The following POR variants were observed in gnomAD, a reference collection of about 807,000 sequenced individuals.
The protein encoded by POR is cytochrome p450 oxidoreductase, also known as NADPH--cytochrome P450 reductase.
In POR, 56 loss-of-function variants were observed where a neutral mutation model predicts 84.0. That is an observed-to-expected ratio of 0.67 (90% CI 0.54 to 0.83). POR has a LOEUF of 0.83. POR is among the 40% of genes least tolerant of loss of function. The probability of loss-of-function intolerance (pLI) is 0.00; values close to 1 mark genes in which losing one functional copy is unlikely to be tolerated. For missense variants in POR, 938 were observed against 944.3 expected, an observed-to-expected ratio of 0.99 and a Z score of 0.09; for synonymous variants, 414 against 400.5, an observed-to-expected ratio of 1.03 and a Z score of -0.40.
chr7:75,935,851 A>G (rs1807650109), intron 1 of POR, among the ~76,000 whole-genome samples: 2 of 151,698 alleles, frequency 1.3e-5, no homozygotes, highest in Non-Finnish European at 2.9e-5. Flanking sequence ...CGTGTGACAC[A>G]TCTCCCATGA....
At chr7:75,982,885 G>C (rs1418942835) in intron 8 of POR, among the ~76,000 whole-genome samples, 19 of 152,188 alleles carry the variant, frequency 1.2e-4, no homozygotes, top group Admixed American at 1.2e-3. Context: ...CAGGACGTGT[G>C]GGGGTGGGGG....
At chr7:75,935,175 C>T (rs781813296) in intron 1 of POR, among the ~76,000 whole-genome samples, 20 of 152,134 alleles carry the variant, frequency 1.3e-4, no homozygotes, top group African/African-American at 1.9e-4. Context: ...CGCACCAGCA[C>T]GCCCTGGATG....
At chr7:75,979,333 C>T in intron 3 of POR, 118 bp from the exon 4 acceptor site, 1 of 1,258,388 alleles carries the variant, frequency 7.9e-7, no homozygotes, top group Non-Finnish European at 1.1e-6. Context: ...GACTCAAAGC[C>T]AGGAAGGAAA....
chr7:75,922,483 C>T (rs1806928194), intron 1 of POR, among the ~76,000 whole-genome samples: 1 of 152,020 alleles, frequency 6.6e-6, no homozygotes. Flanking sequence ...GCCATCATGC[C>T]TGGCTAATTT....
rs782697310 is a variant in POR, at chr7:75,985,681, G to T, written c.1501G>T (p.Glu501Ter). The T allele has an allele frequency of 6.3e-7, 1 of 1,594,288 alleles. No individual in the cohort carries two copies. The highest frequency in any genetic ancestry group is 8.5e-7 in the Non-Finnish European group (1 of 1,171,900). ...GGCCACCAACTGGCTGCGGGCCAAG[G>T]AGCCTGCCGGGGAGAACGGCGGCCG... Residue 501 changes from glutamate (E) to a stop codon, truncating the protein, a stop_gained, in exon 13 of 16, where the codon GAG becomes TAG. Coordinates refer to ENST00000461988, the MANE Select transcript of POR (RefSeq NM_000941.3). LOFTEE classifies it high-confidence loss of function.
intron 1 of POR, among the ~76,000 whole-genome samples, chr7:75,917,072 CTT>C (rs557927022): frequency 6.8e-6 from 1 of 146,574 alleles, no homozygotes; most frequent in Non-Finnish European, 1.5e-5. Flanking sequence ...TTTTAAGTAA[CTT>C]TTTTTTTTTT....
Position 75,983,548 on chromosome 7 carries a change from G to C in POR, c.859G>C (p.Ala287Pro), listed in dbSNP as rs121912974. 3.1e-4 allele frequency: 503 copies of C among 1,612,888 alleles called. No individual in the cohort carries two copies. The highest frequency in any genetic ancestry group is 3.8e-4 in the Non-Finnish European group (453 of 1,179,818). The change falls in exon 9 of 16, where the codon GCT becomes CCT. Residue 287 changes from alanine to proline, a missense_variant. By Grantham distance (27) the Ala-to-Pro change is conservative (BLOSUM62 -1). Coordinates refer to ENST00000461988, the MANE Select transcript of POR (RefSeq NM_000941.3). Reference sequence around the variant, plus strand: ...CTTTGATGCCAAGAATCCGTTCCTGGCTGCAGTCACCACCAACCGGAAGCT... The same window carrying C: ...CTTTGATGCCAAGAATCCGTTCCTGCCTGCAGTCACCACCAACCGGAAGCT...
At chr7:75,984,709 C>G (rs927911301) in intron 10 of POR, 68 bp from the exon 11 acceptor site, 4 of 1,421,932 alleles carry the variant, frequency 2.8e-6, no homozygotes. Context: ...GTCACCCCCT[C>G]CTGCCGCAGC....
rs41299493 is a variant in POR at position 75,980,595 on chromosome 7, C to T, written c.516+107C>T. On this transcript the variant is annotated intron_variant, in intron 5 of 15. Coordinates refer to ENST00000461988, the MANE Select transcript of POR (RefSeq NM_000941.3). ...CAGCCCTCCAGACCCCCACCCTGTC[C>T]TCAGCAGCCAGGGCAGGCCACTTGT... is the stretch of plus-strand genomic sequence containing the variant. The T allele has an allele frequency of 1.9e-3, 3,081 of 1,606,784 alleles. 4 individuals are homozygous for T. The highest frequency in any genetic ancestry group is 2.4e-3 in the Non-Finnish European group (2,814 of 1,178,174).
At chr7:75,949,235 A>G (rs1554552449) in intron 1 of POR, among the ~76,000 whole-genome samples, 1 of 148,638 alleles carries the variant, frequency 6.7e-6, no homozygotes, top group African/African-American at 2.5e-5. Flanking sequence ...GCTCACTACA[A>G]CCTCTGCCTC....
At chr7:75,941,780 C>T (rs935806706) in intron 1 of POR, among the ~76,000 whole-genome samples, 1 of 152,012 alleles carries the variant, frequency 6.6e-6, no homozygotes, top group Non-Finnish European at 1.5e-5. Context: ...GTGTTTGAGA[C>T]CAGCCTGGGC....
At chr7:75,975,617 C>A (rs1045821121) in intron 3 of POR, among the ~76,000 whole-genome samples, 2 of 152,074 alleles carry the variant, frequency 1.3e-5, no homozygotes, top group African/African-American at 4.8e-5. Context: ...AACAGCTACA[C>A]CCTGTGTCAA....
chr7:75,944,623 A>T (rs187272824), intron 1 of POR, among the ~76,000 whole-genome samples: 190 of 141,214 alleles, frequency 1.3e-3, no homozygotes, highest in Middle Eastern at 6.8e-3. Context: ...ACCAAGAACC[A>T]CAAAACTCTC....
At position 75,984,804 on chromosome 7, in the gene POR, C is replaced by T. The variant is rs373022822; in HGVS notation, c.1094C>T (p.Pro365Leu). ...GAGTCCAACAAGAAGCACCCATTCC[C>T]GTGCCCTACGTCCTACCGCACGGCC... The change falls in exon 11 of 16, where the codon CCG becomes CTG. Residue 365 changes from proline (P) to leucine (L), a missense_variant. Coordinates refer to ENST00000461988, the MANE Select transcript of POR (RefSeq NM_000941.3). 7.5e-5 allele frequency: 121 copies of T among 1,612,470 alleles called. No individual in the cohort carries two copies. The highest frequency in any genetic ancestry group is 3.3e-4 in the Middle Eastern group (2 of 6,082).
intron 2 of POR, among the ~76,000 whole-genome samples, chr7:75,954,668 T>C (rs1205282074): frequency 6.6e-6 from 1 of 151,522 alleles, no homozygotes; most frequent in Non-Finnish European, 1.5e-5. Context: ...GCCTCCCGAG[T>C]AGCTGGGACT....
At chr7:75,972,631 A>G (rs557692339) in intron 3 of POR, 170 bp downstream of exon 3, 2 of 705,226 alleles carry the variant, frequency 2.8e-6, no homozygotes, top group South Asian at 3.0e-5. Flanking sequence ...AAAGCCCTGA[A>G]GCAGCTCTGC....
chr7:75,948,640 G>C (rs1199970823), intron 1 of POR, among the ~76,000 whole-genome samples: 1 of 152,208 alleles, frequency 6.6e-6, no homozygotes, highest in Admixed American at 6.5e-5. Flanking sequence ...TCCATAGTCT[G>C]TATGCCAAGC....
At position 75,986,403 on chromosome 7, in the gene POR, C is replaced by G. The variant is rs781952986; in HGVS notation, c.1965C>G (p.Ala655=). 6.8e-6 allele frequency: 11 copies of G among 1,612,586 alleles called. No individual in the cohort carries two copies. The highest frequency in any genetic ancestry group is 7.6e-6 in the Non-Finnish European group (9 of 1,179,870). The change falls in exon 16 of 16, where the codon GCC becomes GCG. Residue 655 remains alanine (A), a synonymous_variant. Transcript: ENST00000461988. ...ACGACATCGTGGCTGAGCTCGGGGC[C>G]ATGGAGCACGCGCAGGCGGTGGACT...
chr7:75,948,832 A>G (rs1369151197), intron 1 of POR, among the ~76,000 whole-genome samples: 5 of 152,074 alleles, frequency 3.3e-5, no homozygotes, highest in African/African-American at 1.2e-4. Flanking sequence ...GTATAATATA[A>G]TGTGAGGTGG....
Sources: allele counts gnomAD v4.1 joint callset (sites outside exome capture counted in the v4.1 genomes callset), GRCh38; gene constraint gnomAD v4.1.1; transcripts MANE v1.5; gene names NCBI Gene and HGNC (gene_info 2026-07-23, HGNC 2026-07-21).